Variants in RAB40C observed in about 807,000 individuals in gnomAD.
RAB40C encodes ras-related protein Rab-40C.
RAB40C carries 8 observed loss-of-function variants against 28.1 expected under a neutral mutation model. That is an observed-to-expected ratio of 0.28 (90% confidence interval 0.17 to 0.51). The LOEUF (loss-of-function observed/expected upper bound fraction) is 0.51, where lower values mean the gene tolerates loss of function less well. Ranked by LOEUF, RAB40C falls within the 20% of genes least tolerant of loss-of-function variation. The pLI is 0.97. For synonymous variants in RAB40C, 201 were observed against 171.7 expected, an observed-to-expected ratio of 1.17 and a Z score of -1.34; for missense variants, 288 against 405.9, an observed-to-expected ratio of 0.71 and a Z score of 2.50.
intron 3 of RAB40C, 140 bp from the exon 4 acceptor site, chr16:625,292 A>G: frequency 6.8e-7 from 1 of 1,462,798 alleles, no homozygotes; most frequent in Non-Finnish European, 9.1e-7. Flanking sequence ...CCTGGAGGGC[A>G]TGGCTCATCT....
At chr16:609,877 G>A (rs1442948874) in intron 1 of RAB40C, among the ~76,000 whole-genome samples, 1 of 152,186 alleles carries the variant, frequency 6.6e-6, no homozygotes, top group Non-Finnish European at 1.5e-5. Flanking sequence ...CTGGAGGGGG[G>A]AGCTGAGGCA....
chr16:628,979 C>T lies in RAB40C; in HGVS notation c.*1357C>T, dbSNP rs546445823. 6.5e-4 allele frequency: 100 copies of T among 154,526 alleles called. 1 individual carries two copies. In the Middle Eastern group the frequency reaches 0.024, roughly 37 times the overall value. The allele number at this position is 154,526 out of a possible 1,614,324, so 9.6% of individuals were successfully genotyped here. Reference sequence around the variant, plus strand: ...TGGCCCGTTCCTGGGAGATGAGGGCCGTGGCCTGCATGAACTACCAGATGA... The same window carrying T: ...TGGCCCGTTCCTGGGAGATGAGGGCTGTGGCCTGCATGAACTACCAGATGA... On this transcript the variant is annotated 3_prime_UTR_variant, in exon 6 of 6. Transcript: ENST00000248139.
At chr16:599,063 G>A (rs577031068) in intron 1 of RAB40C, among the ~76,000 whole-genome samples, 58 of 152,320 alleles carry the variant, frequency 3.8e-4, no homozygotes, top group Middle Eastern at 3.4e-3. Flanking sequence ...TGGGAGGGGC[G>A]GTAATAGGGT....
intron 1 of RAB40C, among the ~76,000 whole-genome samples, chr16:607,952 C>T (rs928415463): frequency 6.6e-6 from 1 of 152,084 alleles, no homozygotes; most frequent in Non-Finnish European, 1.5e-5. Flanking sequence ...GCTGTGAGAC[C>T]CCCTCTGAAG....
In RAB40C at chr16:590,211, G is replaced by T. The variant is rs918609493; in HGVS notation, c.-81G>T. On this transcript the variant is annotated 5_prime_UTR_variant, in exon 1 of 6. Coordinates refer to ENST00000248139, the MANE Select transcript of RAB40C (RefSeq NM_021168.5). Reference sequence around the variant, plus strand: ...GGGCGGACGCAACGGGCGCAGGTGCGGGGCGCGGGCTCTCTCACGCCGCGG... The same window carrying T: ...GGGCGGACGCAACGGGCGCAGGTGCTGGGCGCGGGCTCTCTCACGCCGCGG... 2 of 1,101,052 alleles carry T rather than the reference G, an allele frequency of 1.8e-6. No homozygotes were observed. Among genetic ancestry groups the T allele is most frequent in the Non-Finnish European group, 2.3e-6 (2 of 887,772 alleles). 68.2% of individuals were successfully genotyped at this position (1,101,052 alleles called of 1,614,324 possible). A position where few individuals can be genotyped will look rare whatever the true frequency, so the allele number is the denominator to read the frequency against.
chr16:616,671 C>T (rs550066541), intron 1 of RAB40C: 1 of 154,010 alleles, frequency 6.5e-6, no homozygotes, highest in Non-Finnish European at 1.4e-5. Flanking sequence ...TTGGCCCTCC[C>T]TAACACCAAC....
Position 626,042 on chromosome 16 carries a change from C to T in RAB40C, c.486C>T (p.Asn162=), listed in dbSNP as rs145146569. Residue 162 remains asparagine (N), a synonymous_variant, in exon 5 of 6, where the codon AAC becomes AAT. Transcript: ENST00000248139. Reference sequence around the variant, plus strand: ...AGGTCAGCCCCCTGTGCAACTTCAACGTCATCGAGTCCTTCACGGAGCTAT... The same window carrying T: ...AGGTCAGCCCCCTGTGCAACTTCAATGTCATCGAGTCCTTCACGGAGCTAT... The part of the protein sequence containing the change: ...FFEVSPLCNF[N]VIESFTELSR... 4.3e-6 allele frequency: 7 copies of T among 1,613,438 alleles called. No homozygotes were observed. Among genetic ancestry groups the T allele is most frequent in the East Asian group, 2.2e-5 (1 of 44,868 alleles).
intron 1 of RAB40C, among the ~76,000 whole-genome samples, chr16:611,416 C>G (rs2036481967): frequency 6.6e-6 from 1 of 152,224 alleles, no homozygotes; most frequent in Non-Finnish European, 1.5e-5. Context: ...TGGTGTCCAA[C>G]TTTGGCCTCT....
rs1264504327 is a variant in RAB40C at position 610,189 on chromosome 16, G to C, written c.143-7019G>C. On this transcript the variant is annotated intron_variant, in intron 1 of 5. Transcript: ENST00000248139. The surrounding 1 kb of genome is among the most constrained non-coding windows in gnomAD (Gnocchi z 4.6). Reference sequence around the variant, plus strand: ...AGGCGCCGGTGGCTTTGCTCTGGTGGCAGGACAGGTGTTCTGACCTCCCTG... The same window carrying C: ...AGGCGCCGGTGGCTTTGCTCTGGTGCCAGGACAGGTGTTCTGACCTCCCTG... Among the ~76,000 whole-genome samples the C allele has an allele frequency of 6.6e-6, 1 of 152,156 alleles. No homozygotes were observed. The highest frequency in any genetic ancestry group is 1.9e-4 in the East Asian group (1 of 5,188).
intron 3 of RAB40C, 98 bp downstream of exon 3, chr16:618,358 T>A (rs1448605017): frequency 9.9e-6 from 12 of 1,211,322 alleles, no homozygotes; most frequent in East Asian, 7.6e-5. Flanking sequence ...CCAAGGACTT[T>A]CTTTCTTTAT....
intron 3 of RAB40C, among the ~76,000 whole-genome samples, chr16:623,377 C>T (rs375365561): frequency 5.9e-5 from 9 of 152,100 alleles, no homozygotes; most frequent in African/African-American, 1.7e-4. Context: ...GGGCCGGGCG[C>T]GGTGGCTCAC....
intron 1 of RAB40C, among the ~76,000 whole-genome samples, chr16:603,036 C>T (rs765674161): frequency 2.2e-4 from 33 of 152,124 alleles, no homozygotes; most frequent in East Asian, 3.9e-4. Flanking sequence ...GGTCTTGAAC[C>T]GTGGCGCTGA....
At chr16:625,567 GC>G in intron 4 of RAB40C, 58 bp downstream of exon 4, 2 of 1,546,352 alleles carry the variant, frequency 1.3e-6, no homozygotes, top group Non-Finnish European at 8.9e-7. Flanking sequence ...AGGTACCTGG[GC>G]CCCGGGTAGG....
intron 1 of RAB40C, 29 bp downstream of exon 1, chr16:590,462 T>C (rs1188677900): frequency 2.5e-5 from 38 of 1,532,326 alleles, no homozygotes; most frequent in Non-Finnish European, 3.0e-5. Context: ...CGCGCGCTGC[T>C]ACGCGGGGCC....
At position 620,145 on chromosome 16, in the gene RAB40C, A is replaced by G. The variant is rs367961112; in HGVS notation, c.264+1885A>G. The stretch of plus-strand genomic sequence containing the variant: ...TGCGGTGGTTCACGCCTGTAATCCC[A>G]GCACTTTGGGAGGCCAAGGCAGACA... On this transcript the variant is annotated intron_variant, in intron 3 of 5. Coordinates refer to ENST00000248139, the MANE Select transcript of RAB40C (RefSeq NM_021168.5). 2.6e-5 allele frequency among the ~76,000 whole-genome samples: 4 copies of G among 152,362 alleles called. No individual in the cohort carries two copies. In the South Asian group the frequency reaches 8.3e-4, roughly 32 times the overall value.
chr16:599,143 G>A (rs575685057), intron 1 of RAB40C, among the ~76,000 whole-genome samples: 51 of 152,368 alleles, frequency 3.3e-4, no homozygotes, highest in African/African-American at 1.2e-3. Context: ...GAGGTGCTGT[G>A]TTTCGGTCCA....
At position 628,967 on chromosome 16, in the gene RAB40C, G is replaced by A. The variant is rs1337278103; in HGVS notation, c.*1345G>A. 2 of 153,774 alleles carry A rather than the reference G, an allele frequency of 1.3e-5. No individual in the cohort carries two copies. The highest frequency in any genetic ancestry group is 1.3e-4 in the Admixed American group (2 of 15,476). 9.5% of individuals were successfully genotyped at this position (153,774 alleles called of 1,614,324 possible). On this transcript the variant is annotated 3_prime_UTR_variant, in exon 6 of 6. Transcript: ENST00000248139. ...GGACTCGCCCCATGGCCCGTTCCTG[G>A]GAGATGAGGGCCGTGGCCTGCATGA...
intron 1 of RAB40C, among the ~76,000 whole-genome samples, chr16:607,456 T>C (rs2036383414): frequency 6.8e-6 from 1 of 147,126 alleles, no homozygotes; most frequent in South Asian, 2.1e-4. Context: ...TGAGCTGATA[T>C]TGCGCCACCA....
rs1268479476 is a variant in RAB40C at position 624,140 on chromosome 16, G to A, written c.265-1292G>A. 4 of 985,300 alleles carry A rather than the reference G, an allele frequency of 4.1e-6. No individual in the cohort carries two copies. In the Admixed American group the frequency reaches 1.8e-4, roughly 45 times the overall value. 61.0% of individuals were successfully genotyped at this position (985,300 alleles called of 1,614,324 possible). ...TGTCTGGCTTGTCGTTGTTATCAGC[G>A]CCACTGTGACACACATCCTCAGTTA... On this transcript the variant is annotated intron_variant, in intron 3 of 5. Transcript: ENST00000248139.
Sources: allele counts gnomAD v4.1 joint callset (sites outside exome capture counted in the v4.1 genomes callset), GRCh38; gene constraint gnomAD v4.1.1; non-coding constraint Gnocchi (gnomAD v3.1); transcripts MANE v1.5; gene names NCBI Gene and HGNC (gene_info 2026-07-23, HGNC 2026-07-21).